Variants in CXCL12 observed in about 807,000 individuals in gnomAD.
The protein encoded by CXCL12 is stromal cell-derived factor 1.
A neutral mutation model predicts 10.7 loss-of-function variants in CXCL12; 4 were observed. That is an observed-to-expected ratio of 0.37 (90% CI 0.18 to 0.86). CXCL12 has a LOEUF of 0.86. Ranked by LOEUF, CXCL12 falls within the 40% of genes least tolerant of loss-of-function variation. CXCL12 has a pLI of 0.43. For missense variants in CXCL12, 122 were observed against 110.4 expected (o/e 1.10, Z -0.47); for synonymous variants, 54 against 45.4 (o/e 1.19, Z -0.77).
At chr10:44,371,180 G>A (rs2839696), downstream of CXCL12, 10,825 of 248,208 alleles carry the variant, frequency 0.044, 267 homozygotes, top group African/African-American at 0.075. Flanking sequence ...GGAGCTGATT[G>A]TTAGTAGAGG....
chr10:44,373,148 A>G (rs2132036397), downstream of CXCL12: 1 of 1,536,846 alleles, frequency 6.5e-7, no homozygotes, highest in South Asian at 1.2e-5. Flanking sequence ...TAAATGAAAA[A>G]TAAATGTCAT....
chr10:44,373,203 C>A, downstream of CXCL12: 1 of 1,545,674 alleles, frequency 6.5e-7, no homozygotes. Flanking sequence ...GCAAAGTGTG[C>A]AAAACAAAGC....
At chr10:44,375,719 G>T, downstream of CXCL12, 1 of 867,978 alleles carries the variant, frequency 1.2e-6, no homozygotes, top group Non-Finnish European at 1.7e-6. Context: ...CCCAGTCTCT[G>T]CACAACTACT....
intron 1 of CXCL12, among the ~76,000 whole-genome samples, chr10:44,384,391 C>A (rs546193417): frequency 2.6e-4 from 39 of 152,290 alleles, no homozygotes; most frequent in African/African-American, 9.1e-4. Flanking sequence ...CCAAGAGCCC[C>A]GCGAGGGTGT....
downstream of CXCL12, chr10:44,373,332 A>G (rs762470861): frequency 6.8e-6 from 11 of 1,608,236 alleles, no homozygotes; most frequent in Non-Finnish European, 8.5e-6. Flanking sequence ...ACCCTCTCAC[A>G]TCTTGAACCT....
rs1347460794 is a variant in CXCL12 at position 44,377,550 on chromosome 10, G to T, written c.*1083C>A. On this transcript the variant is annotated 3_prime_UTR_variant, in exon 3 of 3. Coordinates refer to ENST00000343575, the MANE Select transcript of CXCL12 (RefSeq NM_199168.4). ...TGAAACCCTGCTGTGGCTTCAGGAG[G>T]GGGTAGTGGCAAGATGATGGTTTAT... 9 of 1,443,034 alleles carry T rather than the reference G, an allele frequency of 6.2e-6. No homozygotes were observed. The African/African-American group carries it at 8.6e-5, about 14-fold the overall frequency. 89.4% of individuals were successfully genotyped at this position (1,443,034 alleles called of 1,614,324 possible).
At chr10:44,374,505 A>AC (rs1393158328), downstream of CXCL12, 2 of 455,960 alleles carry the variant, frequency 4.4e-6, no homozygotes, top group Non-Finnish European at 8.8e-6. Flanking sequence ...CAGGCCTGTG[A>AC]CCCCCAGTGC....
In CXCL12 at chr10:44,385,028, G is replaced by A. The variant is rs1351990139; in HGVS notation, c.-23C>T. 1.8e-5 allele frequency: 25 copies of A among 1,415,522 alleles called. No individual in the cohort carries two copies. The highest frequency in any genetic ancestry group is 5.9e-5 in the East Asian group (2 of 34,078). 87.7% of individuals were successfully genotyped at this position (1,415,522 alleles called of 1,614,324 possible). A position where few individuals can be genotyped will look rare whatever the true frequency, so the allele number is the denominator to read the frequency against. On this transcript the variant is annotated 5_prime_UTR_variant, in exon 1 of 3. Coordinates refer to ENST00000343575, the MANE Select transcript of CXCL12 (RefSeq NM_199168.4). ...CATGGCGCGGGCGGGCGGGCGGGCG[G>A]GCGGACGAGCGCGGGTCGGGGGCCG...
Position 44,377,882 on chromosome 10 carries a change from C to A in CXCL12, c.*751G>T. On this transcript the variant is annotated 3_prime_UTR_variant, in exon 3 of 3. Coordinates refer to ENST00000343575, the MANE Select transcript of CXCL12 (RefSeq NM_199168.4). ...ACGAGCCCCAGCAATCACCCTCTTC[C>A]CGGCTGGTGCGGCGCTGATCAGGCT... 6.3e-7 allele frequency: 1 copy of A among 1,576,880 alleles called. No individual in the cohort carries two copies. Among genetic ancestry groups the A allele is most frequent in the East Asian group, 2.3e-5 (1 of 43,762 alleles).
At chr10:44,382,454 G>T (rs1010783497) in intron 1 of CXCL12, among the ~76,000 whole-genome samples, 1 of 152,196 alleles carries the variant, frequency 6.6e-6, no homozygotes, top group Non-Finnish European at 1.5e-5. Flanking sequence ...TGGGTTGGGG[G>T]TGGAGCAGGA....
chr10:44,374,870 T>A (rs563700103), downstream of CXCL12: 11 of 364,866 alleles, frequency 3.0e-5, no homozygotes, highest in Non-Finnish European at 5.9e-5. Flanking sequence ...CGAGCACTAC[T>A]GAAATGGGGT....
In CXCL12 at chr10:44,377,499, C is replaced by T. The variant is rs1022339013; in HGVS notation, c.*1134G>A. On this transcript the variant is annotated 3_prime_UTR_variant, in exon 3 of 3. Transcript: ENST00000343575. The stretch of plus-strand genomic sequence containing the variant: ...ATCGCATTTATGCATGGAAATGTCA[C>T]CTTGCCAACAGTTCTGATTGGAACC... 2.1e-5 allele frequency: 28 copies of T among 1,358,392 alleles called. No individual in the cohort carries two copies. The African/African-American group carries it at 3.2e-4, about 15-fold the overall frequency. The allele number at this position is 1,358,392 out of a possible 1,614,324, so 84.1% of individuals were successfully genotyped here.
chr10:44,372,699 G>A (rs1216046253), downstream of CXCL12: 12 of 1,423,020 alleles, frequency 8.4e-6, no homozygotes, highest in South Asian at 1.5e-5. Flanking sequence ...TGAGCAGAAC[G>A]TGGAGGATGT....
intron 2 of CXCL12, among the ~76,000 whole-genome samples, chr10:44,379,388 A>C (rs922729459): frequency 5.9e-5 from 9 of 152,300 alleles, no homozygotes; most frequent in Middle Eastern, 3.4e-3. Flanking sequence ...TCACACTCTT[A>C]AAAGCTTCCC....
At position 44,377,193 on chromosome 10, in the gene CXCL12, T is replaced by C. The variant is rs1010965303; in HGVS notation, c.*1440A>G. The C allele has an allele frequency of 1.0e-6, 1 of 987,142 alleles. No individual in the cohort carries two copies. Among genetic ancestry groups the C allele is most frequent in the Non-Finnish European group, 1.2e-6 (1 of 831,224 alleles). 61.1% of individuals were successfully genotyped at this position (987,142 alleles called of 1,614,324 possible). On this transcript the variant is annotated 3_prime_UTR_variant, in exon 3 of 3. Transcript: ENST00000343575. ...TATAATGTCACATTTGATACAATTT[T>C]AGTACAAGTGAAAAAATACACTGTG...
chr10:44,371,138 G>A (rs541880215), downstream of CXCL12: 29 of 225,370 alleles, frequency 1.3e-4, no homozygotes, highest in South Asian at 1.3e-3. Context: ...GTATTTAAAT[G>A]CATATTGCTT....
chr10:44,376,029 C>T (rs376336974), downstream of CXCL12: 37 of 1,612,718 alleles, frequency 2.3e-5, no homozygotes, highest in South Asian at 1.1e-4. Context: ...CTTCTCTGCG[C>T]CCCCTTAGAT....
In CXCL12 at chr10:44,378,263, G is replaced by A; in HGVS notation, c.*370C>T. On this transcript the variant is annotated 3_prime_UTR_variant, in exon 3 of 3. Coordinates refer to ENST00000343575, the MANE Select transcript of CXCL12 (RefSeq NM_199168.4). ...AAACAAGCCAAATTCAGATCTTGAA[G>A]TACTCGTTGATTTAAAAAATGAGAA... 1 of 1,464,634 alleles carries A rather than the reference G, an allele frequency of 6.8e-7. No individual in the cohort carries two copies. 90.7% of individuals were successfully genotyped at this position (1,464,634 alleles called of 1,614,324 possible). A position where few individuals can be genotyped will look rare whatever the true frequency, so the allele number is the denominator to read the frequency against.
At chr10:44,384,835 C>T (rs1839748587) in intron 1 of CXCL12, 110 bp downstream of exon 1, 2 of 1,095,970 alleles carry the variant, frequency 1.8e-6, no homozygotes, top group Admixed American at 5.1e-5. Context: ...TCCACCCCCA[C>T]TGTGTCGGGC....
Sources: allele counts gnomAD v4.1 joint callset (sites outside exome capture counted in the v4.1 genomes callset), GRCh38; gene constraint gnomAD v4.1.1; transcripts MANE v1.5; gene names NCBI Gene and HGNC (gene_info 2026-07-23, HGNC 2026-07-21).